IL1B: variants seen among roughly 807,000 people sequenced by gnomAD.
The protein encoded by IL1B is interleukin 1 beta, also known as interleukin-1 beta.
In IL1B, 11 loss-of-function variants were observed where a neutral mutation model predicts 26.2. The observed-to-expected ratio is 0.42, with a 90% CI of 0.26 to 0.70. The LOEUF is 0.70. Among genes scored for constraint, IL1B ranks in the 30% least tolerant of loss-of-function variants. IL1B has a pLI of 0.25. For synonymous variants in IL1B, 118 were observed against 120.8 expected, an observed-to-expected ratio of 0.98 and a Z score of 0.15; for missense variants, 255 against 327.5, an observed-to-expected ratio of 0.78 and a Z score of 1.71.
At position 112,836,268 on chromosome 2, in the gene IL1B, T is replaced by C. The variant is rs1343192339; in HGVS notation, c.-15-24A>G. On this transcript the variant is annotated intron_variant, in intron 1 of 6. Transcript: ENST00000263341. The stretch of plus-strand genomic sequence containing the variant: ...ACCTGTGTAAAAAGGAGAAAATGAG[T>C]GACTTCCCCATGACGGCTACGTTCA... 4 of 1,574,538 alleles carry C rather than the reference T, an allele frequency of 2.5e-6. No individual in the cohort carries two copies. In the South Asian group the frequency reaches 3.3e-5, roughly 13 times the overall value.
At position 112,830,171 on chromosome 2, in the gene IL1B, G is replaced by A; in HGVS notation, c.*190C>T. On this transcript the variant is annotated 3_prime_UTR_variant, in exon 7 of 7. Coordinates refer to ENST00000263341, the MANE Select transcript of IL1B (RefSeq NM_000576.3). ...GGGCTGGGGATTGGCCCTGAAAGGA[G>A]AGAGCTGACTGTCCTGGCTGATGGA... 5.0e-6 allele frequency: 3 copies of A among 594,884 alleles called. No individual in the cohort carries two copies. In the South Asian group the frequency reaches 5.9e-5, roughly 12 times the overall value. The allele number at this position is 594,884 out of a possible 1,614,324, so 36.9% of individuals were successfully genotyped here. A position where few individuals can be genotyped will look rare whatever the true frequency, so the allele number is the denominator to read the frequency against.
intron 3 of IL1B, among the ~76,000 whole-genome samples, chr2:112,834,192 T>A (rs1215961221): frequency 6.6e-6 from 1 of 152,188 alleles, no homozygotes; most frequent in Non-Finnish European, 1.5e-5. Flanking sequence ...TTTGTTCATC[T>A]TTTTTGTACA....
At position 112,831,271 on chromosome 2, in the gene IL1B, CAT is replaced by C; in HGVS notation, c.597+19_597+20del. ...GGTAGCAGGAGGCTGAGAAGGGCTT[CAT>C]TCCATAGCATTCACTTACCTCCAGC... On this transcript the variant is annotated intron_variant, in intron 6 of 6. Coordinates refer to ENST00000263341, the MANE Select transcript of IL1B (RefSeq NM_000576.3). The C allele has an allele frequency of 6.2e-7, 1 of 1,613,628 alleles. No homozygotes were observed. Among genetic ancestry groups the C allele is most frequent in the Non-Finnish European group, 8.5e-7 (1 of 1,179,678 alleles).
At chr2:112,834,445 T>A (rs1558783469) in intron 3 of IL1B, among the ~76,000 whole-genome samples, 1 of 152,240 alleles carries the variant, frequency 6.6e-6, no homozygotes, top group Non-Finnish European at 1.5e-5. Context: ...TTCCTCTTAT[T>A]CAGAGAAGCT....
intron 3 of IL1B, chr2:112,835,239 C>T (rs1265166547): frequency 9.6e-6 from 4 of 417,192 alleles, no homozygotes; most frequent in African/African-American, 8.1e-5. Context: ...AAGTGATTGG[C>T]ATAGGCTGAA....
intron 5 of IL1B, among the ~76,000 whole-genome samples, chr2:112,832,023 G>A (rs1681993539): frequency 1.3e-5 from 2 of 152,216 alleles, no homozygotes; most frequent in Admixed American, 1.3e-4. Context: ...AGAGCAAATA[G>A]CTTCCCCCTG....
At position 112,832,948 on chromosome 2, in the gene IL1B, A is replaced by G. The variant is rs2104935653; in HGVS notation, c.302-122T>C. The G allele has an allele frequency of 1.4e-5, 13 of 905,088 alleles. No homozygotes were observed. In the South Asian group the frequency reaches 1.5e-4, roughly 10 times the overall value. The allele number at this position is 905,088 out of a possible 1,614,324, so 56.1% of individuals were successfully genotyped here. A position where few individuals can be genotyped will look rare whatever the true frequency, so the allele number is the denominator to read the frequency against. ...CATATACGGTCAAAGTCTGATGACA[A>G]CACCAGTAGGGATGAAGCTGGGAGT... On this transcript the variant is annotated intron_variant, in intron 4 of 6. Transcript: ENST00000263341.
chr2:112,835,864 A>T (rs959518361), intron 2 of IL1B, among the ~76,000 whole-genome samples: 3 of 152,204 alleles, frequency 2.0e-5, no homozygotes, highest in East Asian at 1.9e-4. Context: ...AGCCCAGCAG[A>T]GTCAGCTAAA....
Position 112,830,372 on chromosome 2 carries a change from C to A in IL1B, c.799G>T (p.Val267Leu), listed in dbSNP as rs1420931740. The change falls in exon 7 of 7, where the codon GTG becomes TTG. Residue 267 changes from valine (V) to leucine (L), a missense_variant. Coordinates refer to ENST00000263341, the MANE Select transcript of IL1B (RefSeq NM_000576.3). The part of the protein sequence containing the change: ...QDITDFTMQF[V>L]SS ...GGGTACAGCTCTCTTTAGGAAGACA[C>A]AAATTGCATGGTGAAGTCAGTTATA... 6.2e-7 allele frequency: 1 copy of A among 1,613,990 alleles called. No individual in the cohort carries two copies. Among genetic ancestry groups the A allele is most frequent in the Non-Finnish European group, 8.5e-7 (1 of 1,179,876 alleles).
At chr2:112,831,808 T>C (rs1681990137) in intron 5 of IL1B, among the ~76,000 whole-genome samples, 1 of 152,226 alleles carries the variant, frequency 6.6e-6, no homozygotes, top group African/African-American at 2.4e-5. Flanking sequence ...GCTGTACTTC[T>C]GCCAGAAATC....
rs749292149 is a variant in IL1B at position 112,833,363 on chromosome 2, T to G, written c.301+11A>C. On this transcript the variant is annotated intron_variant, in intron 4 of 6. Coordinates refer to ENST00000263341, the MANE Select transcript of IL1B (RefSeq NM_000576.3). ...CAAGTGGAGATCTACTGCCTGCTCT[T>G]GGCTAACTACCTTCTTCAAAGATGA... 6.2e-7 allele frequency: 1 copy of G among 1,613,702 alleles called. No individual in the cohort carries two copies. Among genetic ancestry groups the G allele is most frequent in the Non-Finnish European group, 8.5e-7 (1 of 1,179,644 alleles).
intron 3 of IL1B, 178 bp downstream of exon 3, chr2:112,835,388 G>A: frequency 1.5e-6 from 1 of 671,134 alleles, no homozygotes; most frequent in Non-Finnish European, 2.7e-6. Context: ...AGTGACTGTG[G>A]TGATATGATG....
At chr2:112,832,060 G>A (rs1681994401) in intron 5 of IL1B, among the ~76,000 whole-genome samples, 1 of 152,234 alleles carries the variant, frequency 6.6e-6, no homozygotes, top group Non-Finnish European at 1.5e-5. Context: ...AAAGTCAGCA[G>A]CCTTAGTTGC....
Position 112,831,438 on chromosome 2 carries a change from G to T in IL1B, c.467-16C>A, listed in dbSNP as rs368672183. 5 of 1,612,344 alleles carry T rather than the reference G, an allele frequency of 3.1e-6. No individual in the cohort carries two copies. Among genetic ancestry groups the T allele is most frequent in the Non-Finnish European group, 3.4e-6 (4 of 1,179,068 alleles). ...GAGAACACCACTGAAGAAAGAAGGG[G>T]GTCTTGTGGTTAGGGACACAGCAGT... On this transcript the variant is annotated splice_polypyrimidine_tract_variant and intron_variant, in intron 5 of 6. Coordinates refer to ENST00000263341, the MANE Select transcript of IL1B (RefSeq NM_000576.3).
chr2:112,835,523 T>C (rs1219625626), intron 3 of IL1B, 43 bp downstream of exon 3: 1 of 1,519,678 alleles, frequency 6.6e-7, no homozygotes, highest in East Asian at 2.2e-5. Flanking sequence ...TTTCCCTGTG[T>C]TAGAGCCCTT....
rs773984279 is a variant in IL1B at position 112,831,397 on chromosome 2, T to G, written c.492A>C (p.Gln164His). 1 of 1,613,870 alleles carries G rather than the reference T, an allele frequency of 6.2e-7. No homozygotes were observed. Among genetic ancestry groups the G allele is most frequent in the South Asian group, 1.1e-5 (1 of 91,064 alleles). ...GTATTTTGTCATTACTTTCTTCTCC[T>G]TGTACAAAGGACATGGAGAACACCA... is the stretch of plus-strand genomic sequence containing the variant. Reference protein sequence around the residue: ...QQVVFSMSFVQGEESNDKIPV... With the variant: ...QQVVFSMSFVHGEESNDKIPV... The change falls in exon 6 of 7, where the codon CAA becomes CAC. Residue 164 changes from glutamine (Q) to histidine (H), a missense_variant. Physicochemically the swap from Gln to His is conservative, Grantham distance 24. Coordinates refer to ENST00000263341, the MANE Select transcript of IL1B (RefSeq NM_000576.3).
chr2:112,833,636 C>A, intron 3 of IL1B, 61 bp from the exon 4 acceptor site: 1 of 1,451,362 alleles, frequency 6.9e-7, no homozygotes, highest in Non-Finnish European at 9.7e-7. Context: ...CATGCTTTGA[C>A]ATCAGAGAGT....
rs563720390 is a variant in IL1B at position 112,835,707 on chromosome 2, A to C, written c.48-90T>G. On this transcript the variant is annotated intron_variant, in intron 2 of 6. Transcript: ENST00000263341. ...TGTACAAGACTTGACTGTTCATAAG[A>C]AACTGCAAACAGCCTGCCTCTCAAA... 23 of 1,104,652 alleles carry C rather than the reference A, an allele frequency of 2.1e-5. No homozygotes were observed. The African/African-American group carries it at 3.2e-4, about 15-fold the overall frequency. 68.4% of individuals were successfully genotyped at this position (1,104,652 alleles called of 1,614,324 possible).
intron 2 of IL1B, 94 bp downstream of exon 2, chr2:112,836,089 T>C (rs2104937647): frequency 8.2e-7 from 1 of 1,223,230 alleles, no homozygotes; most frequent in Non-Finnish European, 1.2e-6. Context: ...AAAGAGGCAA[T>C]TTAGGGGAAA....
Sources: gnomAD v4.1 joint callset for allele counts (sites outside exome capture counted in the v4.1 genomes callset) on GRCh38, gnomAD v4.1.1 for gene constraint, MANE v1.5 for transcripts, NCBI Gene and HGNC (gene_info 2026-07-23, HGNC 2026-07-21) for gene names.